POLG: variants seen among roughly 807,000 people sequenced by gnomAD.
The protein encoded by POLG is DNA polymerase subunit gamma-1.
POLG carries 110 observed loss-of-function variants against 155.4 expected under a neutral mutation model. The ratio of observed to expected loss-of-function variants is 0.71; its 90% CI spans 0.61 to 0.83. The LOEUF is 0.83. Among genes scored for constraint, POLG ranks in the 40% least tolerant of loss-of-function variants. POLG has a pLI of 0.00. For missense variants in POLG, 1,685 were observed against 1,627.5 expected (o/e 1.04, Z -0.61); for synonymous variants, 701 against 631.5 (o/e 1.11, Z -1.65).
rs1360279626 is a variant in POLG at position 89,333,788 on chromosome 15, A to T, written c.-34T>A. On this transcript the variant is annotated 5_prime_UTR_variant, in exon 2 of 23. Coordinates refer to ENST00000268124, the MANE Select transcript of POLG (RefSeq NM_002693.3). Reference sequence around the variant, plus strand: ...CAGGGACCCCCACGCTGGGAGTCAGAACACCTGGCTTTGGGCTCCAGCTTG... The same window carrying T: ...CAGGGACCCCCACGCTGGGAGTCAGTACACCTGGCTTTGGGCTCCAGCTTG... 1.3e-6 allele frequency: 2 copies of T among 1,534,560 alleles called. No individual in the cohort carries two copies. Among genetic ancestry groups the T allele is most frequent in the Non-Finnish European group, 1.7e-6 (2 of 1,146,192 alleles).
intron 9 of POLG, 134 bp downstream of exon 9, chr15:89,326,478 G>C: frequency 2.0e-6 from 2 of 979,552 alleles, no homozygotes; most frequent in East Asian, 4.8e-5. Flanking sequence ...CTGGAAGACA[G>C]TGTGACTGAA....
At position 89,329,770 on chromosome 15, in the gene POLG, G is replaced by A. The variant is rs371165437; in HGVS notation, c.855+311C>T. ...TGTTAAGGCGCTCACAGTAGTCATCGGTGGTTAAGGCAGGAAGTGAGCCCA... is the reference window on the plus strand; with the variant it reads ...TGTTAAGGCGCTCACAGTAGTCATCAGTGGTTAAGGCAGGAAGTGAGCCCA... On this transcript the variant is annotated intron_variant, in intron 3 of 22. Transcript: ENST00000268124. 1.2e-3 allele frequency among the ~76,000 whole-genome samples: 185 copies of A among 152,224 alleles called. 1 individual carries two copies. Among genetic ancestry groups the A allele is most frequent in the African/African-American group, 1.9e-3 (79 of 41,532 alleles).
At position 89,327,250 on chromosome 15, in the gene POLG, G is replaced by A. The variant is rs752398019; in HGVS notation, c.1350C>T (p.Gly450=). Residue 450 remains glycine (G), a synonymous_variant, in exon 7 of 23, where the codon GGC becomes GGT. Coordinates refer to ENST00000268124, the MANE Select transcript of POLG (RefSeq NM_002693.3). ...TCTCCCGCTGGAGCTCCTCATAAGTGCCCTGTGCCTCTGCCAGGTAACGCT... is the reference window on the plus strand; with the variant it reads ...TCTCCCGCTGGAGCTCCTCATAAGTACCCTGTGCCTCTGCCAGGTAACGCT... ...NWERYLAEAQ[G]TYEELQREMK... The A allele has an allele frequency of 1.9e-6, 3 of 1,614,048 alleles. No homozygotes were observed. The African/African-American group carries it at 4.0e-5, about 22-fold the overall frequency.
chr15:89,317,211 ACATT>A (rs1343054823), intron 22 of POLG, 161 bp downstream of exon 22: 17 of 662,788 alleles, frequency 2.6e-5, no homozygotes, highest in Non-Finnish European at 4.0e-5. Context: ...ACATCATATC[ACATT>A]CACTCTGGAC....
intron 9 of POLG, among the ~76,000 whole-genome samples, chr15:89,326,173 C>G (rs890870860): frequency 2.6e-5 from 4 of 152,210 alleles, no homozygotes; most frequent in African/African-American, 7.2e-5. Flanking sequence ...CTCACCCTGG[C>G]TGCCCTTTTT....
chr15:89,330,848 T>G (rs1179553817), intron 2 of POLG, among the ~76,000 whole-genome samples: 1 of 148,274 alleles, frequency 6.7e-6, no homozygotes. Context: ...GCAACCACCC[T>G]CAGTGAGAAC....
At chr15:89,324,563 C>T (rs1229783623) in intron 10 of POLG, among the ~76,000 whole-genome samples, 1 of 152,246 alleles carries the variant, frequency 6.6e-6, no homozygotes, top group Non-Finnish European at 1.5e-5. Context: ...TGTCCGCTCA[C>T]CTACCCTCGG....
In POLG at chr15:89,329,040, C is replaced by T. The variant is rs780953863; in HGVS notation, c.926G>A (p.Arg309His). 14 of 1,613,102 alleles carry T rather than the reference C, an allele frequency of 8.7e-6. No individual in the cohort carries two copies. Among genetic ancestry groups the T allele is most frequent in the African/African-American group, 1.3e-5 (1 of 74,916 alleles). The change falls in exon 4 of 23, where the codon CGC (arginine) becomes CAC (histidine). Residue 309 changes from arginine to histidine, a missense_variant. Arg to His is a conservative substitution (Grantham distance 29, BLOSUM62 0). Around this residue, in one of 3 missense-constraint regions of POLG, gnomAD observed 1,210 missense variants for 1,167.1 expected, o/e 1.04. Transcript: ENST00000268124. ...CTGCTTGGCTGCTATCCACAGACTG[C>T]GCTGGAAGCTGCTTAGCCCTGAGAT... ...MAISGLSSFQRSLWIAAKQGK... is the reference protein window; with the variant it reads ...MAISGLSSFQHSLWIAAKQGK...
At position 89,333,588 on chromosome 15, in the gene POLG, GGCT is replaced by G. The variant is rs751908240; in HGVS notation, c.164_166del (p.Gln55del). On this transcript the variant is annotated inframe_deletion, in exon 2 of 23. Transcript: ENST00000268124. ...CGAGGATAGCACTTGCGGCTGCTGA[GGCT>G]GCTGTTGCTGCTGCTGCTGCTGCTG... The G allele has an allele frequency of 6.2e-7, 1 of 1,604,890 alleles. No homozygotes were observed.
At chr15:89,321,391 T>G (rs2055394098) in intron 16 of POLG, 131 bp from the exon 17 acceptor site, 3 of 1,066,112 alleles carry the variant, frequency 2.8e-6, no homozygotes, top group Admixed American at 2.0e-5. Flanking sequence ...CTGCTGAAAT[T>G]CCACAGTTCC....
At chr15:89,318,770 G>A in intron 20 of POLG, 21 bp from the exon 21 acceptor site, 1 of 1,603,924 alleles carries the variant, frequency 6.2e-7, no homozygotes, top group Non-Finnish European at 8.5e-7. Context: ...AAGGTGGGCA[G>A]AGGTGAAAGG....
At chr15:89,332,419 T>C (rs1040933554) in intron 2 of POLG, 3 of 152,234 alleles carry the variant, frequency 2.0e-5, no homozygotes, top group African/African-American at 4.8e-5. Context: ...ACTGCCATCA[T>C]TGTTTGAAAA....
chr15:89,329,222 G>A, intron 3 of POLG, 112 bp from the exon 4 acceptor site: 2 of 839,542 alleles, frequency 2.4e-6, no homozygotes, highest in East Asian at 5.3e-5. Context: ...TCCTCAAACA[G>A]CCTCCCCTCC....
rs377263084 is a variant in POLG at position 89,316,497 on chromosome 15, G to A, written c.*254C>T. ...AGTTAATGTGAACTTTGGGGCTTCT[G>A]CTTCATTTTTACCCAACAAGCAACA... On this transcript the variant is annotated 3_prime_UTR_variant, in exon 23 of 23. Transcript: ENST00000268124. 1.8e-5 allele frequency: 29 copies of A among 1,579,690 alleles called. No individual in the cohort carries two copies. The highest frequency in any genetic ancestry group is 2.2e-5 in the Non-Finnish European group (25 of 1,159,026).
intron 6 of POLG, among the ~76,000 whole-genome samples, chr15:89,327,732 A>T (rs1458663582): frequency 6.6e-6 from 1 of 152,186 alleles, no homozygotes; most frequent in African/African-American, 2.4e-5. Flanking sequence ...CTGACATTTA[A>T]ACAACACATG....
Position 89,316,812 on chromosome 15 carries a change from A to G in POLG, c.3659T>C (p.Ile1220Thr). ...TTTGGTGAGTTCAATTATCTGGTAAATATCCAGCGCTTCACCTGAAAGATA... is the reference window on the plus strand; with the variant it reads ...TTTGGTGAGTTCAATTATCTGGTAAGTATCCAGCGCTTCACCTGAAAGATA... The part of the protein sequence containing the change: ...YGIPQGEALD[I>T]YQIIELTKGS... Residue 1220 changes from isoleucine to threonine, a missense_variant, in exon 23 of 23, where the codon ATT becomes ACT. Ile to Thr is a moderately conservative substitution (Grantham distance 89). Transcript: ENST00000268124. The G allele has an allele frequency of 6.2e-7, 1 of 1,613,750 alleles. No individual in the cohort carries two copies. Among genetic ancestry groups the G allele is most frequent in the Non-Finnish European group, 8.5e-7 (1 of 1,179,662 alleles).
At chr15:89,331,494 C>A (rs974302591) in intron 2 of POLG, among the ~76,000 whole-genome samples, 1 of 152,174 alleles carries the variant, frequency 6.6e-6, no homozygotes, top group Non-Finnish European at 1.5e-5. Context: ...AAGAAACAAG[C>A]CAAATTTAAG....
chr15:89,316,372 G>C lies in POLG; in HGVS notation c.*379C>G, dbSNP rs372128793. The stretch of plus-strand genomic sequence containing the variant: ...GCCTTGGAGCAGGTTTATCACGTTA[G>C]AGCATTAATTCTTTCCCCTTCTAGG... On this transcript the variant is annotated 3_prime_UTR_variant, in exon 23 of 23. Coordinates refer to ENST00000268124, the MANE Select transcript of POLG (RefSeq NM_002693.3). 1.2e-6 allele frequency: 2 copies of C among 1,603,958 alleles called. No homozygotes were observed. The highest frequency in any genetic ancestry group is 1.7e-6 in the Non-Finnish European group (2 of 1,173,680).
Position 89,326,639 on chromosome 15 carries a change from C to T in POLG, c.1685G>A (p.Arg562Gln), listed in dbSNP as rs781168350. The stretch of plus-strand genomic sequence containing the variant: ...AGGGTGTCCAGGAAGGTGCTGGGGC[C>T]GCTTGGGCAGGAGCTCTGTGGTCCC... ...LKGTTELLPK[R>Q]PQHLPGHPGW... Residue 562 changes from arginine to glutamine, a missense_variant, in exon 9 of 23, where the codon CGG becomes CAG. Around this residue, in one of 3 missense-constraint regions of POLG, gnomAD observed 1,210 missense variants for 1,167.1 expected, o/e 1.04. Transcript: ENST00000268124. 5 of 1,613,976 alleles carry T rather than the reference C, an allele frequency of 3.1e-6. No homozygotes were observed. Among genetic ancestry groups the T allele is most frequent in the South Asian group, 1.1e-5 (1 of 91,076 alleles).
Sources: allele counts gnomAD v4.1 joint callset (sites outside exome capture counted in the v4.1 genomes callset), GRCh38; gene constraint gnomAD v4.1.1; regional missense constraint gnomAD v4.1.1; transcripts MANE v1.5; gene names NCBI Gene and HGNC (gene_info 2026-07-23, HGNC 2026-07-21).